The following PML variants were observed in gnomAD, a reference collection of about 807,000 sequenced individuals.
PML encodes the protein protein PML.
A neutral mutation model predicts 65.2 loss-of-function variants in PML; 28 were observed. That is an observed-to-expected ratio of 0.43 (90% CI 0.32 to 0.59). PML has a LOEUF of 0.59. PML is among the 20% of genes least tolerant of loss of function. The pLI, the probability that PML is intolerant of heterozygous loss-of-function variation, is 0.08. For missense variants in PML, 1,021 were observed against 1,203.4 expected (o/e 0.85, Z 2.24); for synonymous variants, 500 against 508.8 (o/e 0.98, Z 0.23).
At chr15:74,005,399 G>A (rs1238697586) in intron 2 of PML, among the ~76,000 whole-genome samples, 1 of 151,892 alleles carries the variant, frequency 6.6e-6, no homozygotes, top group Non-Finnish European at 1.5e-5. Context: ...ATGGATATTG[G>A]AACTCCAAGA....
At position 74,023,101 on chromosome 15, in the gene PML, T is replaced by G. The variant is rs1354430443; in HGVS notation, c.876T>G (p.Ala292=). The G allele has an allele frequency of 1.9e-6, 3 of 1,603,338 alleles. No individual in the cohort carries two copies. The highest frequency in any genetic ancestry group is 2.5e-6 in the Non-Finnish European group (3 of 1,178,948). Residue 292 remains alanine (A), a synonymous_variant, in exon 3 of 9, where the codon GCT becomes GCG. Coordinates refer to ENST00000268058, the MANE Select transcript of PML (RefSeq NM_033238.3). ...GCCAGGTGGTAGCTCACGTGCGGGC[T>G]CAGGAGCGCGAGCTGCTGGAGGCTG... is the stretch of plus-strand genomic sequence containing the variant. ...RVRQVVAHVR[A]QERELLEAVD... is the part of the protein sequence containing the mutation.
rs115875155 is a variant in PML, at chr15:74,006,791, G to A, written c.602+8315G>A. Among the ~76,000 whole-genome samples, 877 of 152,274 alleles carry A rather than the reference G, an allele frequency of 5.8e-3. 10 individuals carry two copies. Among genetic ancestry groups the A allele is most frequent in the African/African-American group, 0.02 (825 of 41,544 alleles). Reference sequence around the variant, plus strand: ...GCTGCAGGTAGGTTTTACTCATGGCGGAAGGTGAAGGGGGAACAGGCGTGT... The same window carrying A: ...GCTGCAGGTAGGTTTTACTCATGGCAGAAGGTGAAGGGGGAACAGGCGTGT... On this transcript the variant is annotated intron_variant, in intron 2 of 8. Transcript: ENST00000268058.
intron 2 of PML, among the ~76,000 whole-genome samples, chr15:74,020,313 G>A (rs1185055363): frequency 2.2e-5 from 3 of 134,072 alleles, no homozygotes; most frequent in African/African-American, 5.7e-5. Context: ...TTTTTGAGAT[G>A]GAGTCTTGCT....
chr15:74,009,420 T>C (rs2070218834), intron 2 of PML, among the ~76,000 whole-genome samples: 1 of 152,080 alleles, frequency 6.6e-6, no homozygotes, highest in Admixed American at 6.6e-5. Context: ...CAAGGAGCAT[T>C]ACATGGGCAG....
chr15:74,033,240 G>A lies in PML; in HGVS notation c.1483G>A (p.Glu495Lys). Residue 495 changes from glutamate (E) to lysine (K), a missense_variant, in exon 6 of 9, where the codon GAG (glutamate) becomes AAG (lysine). Physicochemically the swap from Glu to Lys is moderately conservative, Grantham distance 56. Coordinates refer to ENST00000268058, the MANE Select transcript of PML (RefSeq NM_033238.3). Reference protein sequence around the residue: ...PRKVIKMESEEGKEARLARSS... With the variant: ...PRKVIKMESEKGKEARLARSS... Reference sequence around the variant, plus strand: ...GAAGGTCATCAAGATGGAGTCTGAGGAGGGGAAGGAGGCAAGGTTGGCTCG... The same window carrying A: ...GAAGGTCATCAAGATGGAGTCTGAGAAGGGGAAGGAGGCAAGGTTGGCTCG... 1 of 1,614,234 alleles carries A rather than the reference G, an allele frequency of 6.2e-7. No homozygotes were observed. Among genetic ancestry groups the A allele is most frequent in the Non-Finnish European group, 8.5e-7 (1 of 1,180,034 alleles).
At chr15:74,030,014 A>G (rs2071247982) in intron 4 of PML, among the ~76,000 whole-genome samples, 1 of 152,188 alleles carries the variant, frequency 6.6e-6, no homozygotes, top group Non-Finnish European at 1.5e-5. Context: ...TGTGGAGCCC[A>G]TGAGAAGGAC....
chr15:74,044,378 C>G lies in PML; in HGVS notation c.2019C>G (p.Ile673Met). ...LSFLSSMRRP[I>M]LACYKLWGPG... Reference sequence around the variant, plus strand: ...TTCTGAGCTCCATGCGCCGCCCTATCTTGGCCTGCTACAAGCTGTGGGGGC... The same window carrying G: ...TTCTGAGCTCCATGCGCCGCCCTATGTTGGCCTGCTACAAGCTGTGGGGGC... The change falls in exon 9 of 9, where the codon ATC (isoleucine) becomes ATG (methionine). Residue 673 changes from isoleucine to methionine, a missense_variant. Coordinates refer to ENST00000268058, the MANE Select transcript of PML (RefSeq NM_033238.3). 1 of 1,614,246 alleles carries G rather than the reference C, an allele frequency of 6.2e-7. No homozygotes were observed.
chr15:74,047,172 T>G lies in PML; in HGVS notation c.*2164T>G. The G allele has an allele frequency of 4.3e-6, 1 of 231,128 alleles. No individual in the cohort carries two copies. The highest frequency in any genetic ancestry group is 6.1e-5 in the East Asian group (1 of 16,308). 14.3% of individuals were successfully genotyped at this position (231,128 alleles called of 1,614,324 possible). On this transcript the variant is annotated 3_prime_UTR_variant, in exon 9 of 9. Coordinates refer to ENST00000268058, the MANE Select transcript of PML (RefSeq NM_033238.3). ...ATCCTGTACTTCTCTCTGTGTTCCTTGAGTGACAGGTGGTAAAACCCTTAA... is the reference window on the plus strand; with the variant it reads ...ATCCTGTACTTCTCTCTGTGTTCCTGGAGTGACAGGTGGTAAAACCCTTAA...
At position 73,997,964 on chromosome 15, in the gene PML, G is replaced by C. The variant is rs772476243; in HGVS notation, c.130-40G>C. The C allele has an allele frequency of 3.8e-6, 6 of 1,579,206 alleles. No homozygotes were observed. In the African/African-American group the frequency reaches 6.7e-5, roughly 18 times the overall value. On this transcript the variant is annotated intron_variant, in intron 1 of 8. Coordinates refer to ENST00000268058, the MANE Select transcript of PML (RefSeq NM_033238.3). ...GGTTGGCCGGTAGGTGGGGGCTTTT[G>C]GGACTTCTCCAGGCCTCACCTGCCT...
intron 2 of PML, among the ~76,000 whole-genome samples, chr15:74,017,155 T>A (rs936495285): frequency 2.0e-5 from 3 of 152,296 alleles, no homozygotes; most frequent in South Asian, 4.1e-4. Context: ...TTATAGTGTC[T>A]TTACTATGGT....
Position 73,998,206 on chromosome 15 carries a change from G to A in PML, c.332G>A (p.Ser111Asn), listed in dbSNP as rs1340042373. 3 of 1,614,128 alleles carry A rather than the reference G, an allele frequency of 1.9e-6. No individual in the cohort carries two copies. The highest frequency in any genetic ancestry group is 8.5e-7 in the Non-Finnish European group (1 of 1,180,042). Reference sequence around the variant, plus strand: ...GCCCTGGATAACGTCTTTTTCGAGAGTCTGCAGCGGCGCCTGTCGGTGTAC... The same window carrying A: ...GCCCTGGATAACGTCTTTTTCGAGAATCTGCAGCGGCGCCTGTCGGTGTAC... ...TPALDNVFFE[S>N]LQRRLSVYRQ... Residue 111 changes from serine to asparagine, a missense_variant, in exon 2 of 9, where the codon AGT becomes AAT. Physicochemically the swap from Ser to Asn is conservative, Grantham distance 46 (BLOSUM62 1). Coordinates refer to ENST00000268058, the MANE Select transcript of PML (RefSeq NM_033238.3).
intron 3 of PML, among the ~76,000 whole-genome samples, chr15:74,024,358 C>T (rs1218780166): frequency 6.6e-6 from 1 of 152,084 alleles, no homozygotes; most frequent in East Asian, 1.9e-4. Flanking sequence ...GAATGTCACC[C>T]ATATTAAGGA....
chr15:74,028,707 A>G (rs562651771), intron 4 of PML, among the ~76,000 whole-genome samples: 1 of 152,290 alleles, frequency 6.6e-6, no homozygotes, highest in South Asian at 2.1e-4. Flanking sequence ...TTCTGTCTCT[A>G]TGATTTTCAA....
At position 74,022,857 on chromosome 15, in the gene PML, T is replaced by A. The variant is rs1178944366; in HGVS notation, c.632T>A (p.Leu211Gln). The A allele has an allele frequency of 6.8e-6, 11 of 1,613,952 alleles. No homozygotes were observed. In the Middle Eastern group the frequency reaches 6.6e-4, roughly 97 times the overall value. The change falls in exon 3 of 9, where the codon CTG becomes CAG. Residue 211 changes from leucine (L) to glutamine (Q), a missense_variant. Coordinates refer to ENST00000268058, the MANE Select transcript of PML (RefSeq NM_033238.3). ...SIYCRGCSKP[L>Q]CCSCALLDSS... is the part of the protein sequence containing the mutation. The stretch of plus-strand genomic sequence containing the variant: ...TACTGCCGAGGATGTTCCAAGCCGC[T>A]GTGCTGCTCGTGCGCGCTCCTTGAC...
intron 7 of PML, among the ~76,000 whole-genome samples, chr15:74,039,455 C>T (rs1008670662): frequency 3.3e-5 from 5 of 152,330 alleles, no homozygotes; most frequent in East Asian, 1.9e-4. Flanking sequence ...GAAAGTTCTT[C>T]AGGAGCTTGA....
In PML at chr15:74,037,071, T is replaced by TGC; in HGVS notation, c.1710+2541_1710+2542insGC. 1.0e-6 allele frequency: 1 copy of TGC among 985,426 alleles called. No individual in the cohort carries two copies. The highest frequency in any genetic ancestry group is 1.2e-6 in the Non-Finnish European group (1 of 829,920). 61.0% of individuals were successfully genotyped at this position (985,426 alleles called of 1,614,324 possible). A position where few individuals can be genotyped will look rare whatever the true frequency, so the allele number is the denominator to read the frequency against. ...CTGTGCTGCCACCTGGAGACCGAGA[T>TGC]CTGCAGGAGAAAGGCCTGGGAAAAC... On this transcript the variant is annotated intron_variant, in intron 7 of 8. Transcript: ENST00000268058. This position sits in a 1 kb window ranked among gnomAD's most constrained non-coding sequence, Gnocchi z 4.2.
rs1273579335 is a variant in PML at position 74,035,156 on chromosome 15, G to A, written c.1710+626G>A. 4.2e-6 allele frequency: 5 copies of A among 1,195,412 alleles called. No homozygotes were observed. The highest frequency in any genetic ancestry group is 6.3e-6 in the Non-Finnish European group (5 of 799,304). The allele number at this position is 1,195,412 out of a possible 1,614,324, so 74.1% of individuals were successfully genotyped here. A position where few individuals can be genotyped will look rare whatever the true frequency, so the allele number is the denominator to read the frequency against. ...GGTCTCTTCCAGCCCTCAGTCTGAG[G>A]TTCTGTATTGGAAAGTGCATGGAGC... On this transcript the variant is annotated intron_variant, in intron 7 of 8. Coordinates refer to ENST00000268058, the MANE Select transcript of PML (RefSeq NM_033238.3). This position sits in a 1 kb window ranked among gnomAD's most constrained non-coding sequence, Gnocchi z 4.1.
intron 2 of PML, among the ~76,000 whole-genome samples, chr15:74,019,267 G>GGCGT (rs1188484287): frequency 6.6e-6 from 1 of 152,214 alleles, no homozygotes; most frequent in South Asian, 2.1e-4. Context: ...GGCTGCCTGA[G>GGCGT]GCGTGCCCTT....
intron 2 of PML, among the ~76,000 whole-genome samples, chr15:74,004,811 G>A (rs1017608586): frequency 4.6e-5 from 7 of 151,402 alleles, no homozygotes; most frequent in African/African-American, 1.7e-4. Context: ...GGCTCAAGCA[G>A]TTCTCATGCC....
Sources: allele counts gnomAD v4.1 joint callset (sites outside exome capture counted in the v4.1 genomes callset), GRCh38; gene constraint gnomAD v4.1.1; non-coding constraint Gnocchi (gnomAD v3.1); transcripts MANE v1.5; gene names NCBI Gene and HGNC (gene_info 2026-07-23, HGNC 2026-07-21).